Variants in NDST4 observed in about 807,000 individuals in gnomAD.
NDST4 encodes N-heparan sulfate sulfotransferase 4.
A neutral mutation model predicts 100.8 loss-of-function variants in NDST4; 63 were observed. The ratio of observed to expected loss-of-function variants is 0.62; its 90% CI spans 0.51 to 0.77. The LOEUF is 0.77. NDST4 is among the 30% of genes least tolerant of loss of function. The pLI, the probability that NDST4 is intolerant of heterozygous loss-of-function variation, is 0.00. For synonymous variants in NDST4, 377 were observed against 361.8 expected, an observed-to-expected ratio of 1.04 and a Z score of -0.48; for missense variants, 943 against 1,018.4, an observed-to-expected ratio of 0.93 and a Z score of 1.01.
At chr4:115,089,272 A>G (rs1234458366) in intron 1 of NDST4, among the ~76,000 whole-genome samples, 4 of 151,960 alleles carry the variant, frequency 2.6e-5, no homozygotes, top group Non-Finnish European at 5.9e-5. Flanking sequence ...TCATCAGGGA[A>G]GATTTGGAAG....
At position 114,986,793 on chromosome 4, in the gene NDST4, C is replaced by CATATGTATATAT. The variant is rs1218840726; in HGVS notation, c.979-9520_979-9519insATATATACATAT. On this transcript the variant is annotated intron_variant, in intron 2 of 13. Coordinates refer to ENST00000264363, the MANE Select transcript of NDST4 (RefSeq NM_022569.3). ...CCTCTAAGCCTGGTATCCAATTATA[C>CATATGTATATAT]ATATATATATATATATATATATATA... Among the ~76,000 whole-genome samples, 206 of 91,116 alleles carry CATATGTATATAT rather than the reference C, an allele frequency of 2.3e-3. 5 individuals are homozygous for CATATGTATATAT. Among genetic ancestry groups the CATATGTATATAT allele is most frequent in the African/African-American group, 8.9e-3 (197 of 22,090 alleles). The allele number at this position is 91,116 out of a possible 152,430, so 59.8% of individuals were successfully genotyped here.
intron 13 of NDST4, among the ~76,000 whole-genome samples, chr4:114,828,554 T>A (rs1723129772): frequency 6.6e-6 from 1 of 152,094 alleles, no homozygotes; most frequent in Non-Finnish European, 1.5e-5. Context: ...TGGGCCGTTA[T>A]TAGAGAAATG....
At chr4:115,021,905 C>T (rs1276311010) in intron 2 of NDST4, among the ~76,000 whole-genome samples, 2 of 147,104 alleles carry the variant, frequency 1.4e-5, no homozygotes, top group East Asian at 3.9e-4. Flanking sequence ...TATACACATT[C>T]CATATATATA....
chr4:114,880,977 G>T (rs1393784328), intron 6 of NDST4, among the ~76,000 whole-genome samples: 1 of 152,018 alleles, frequency 6.6e-6, no homozygotes. Context: ...AAAGCAATTG[G>T]TAACACAGTG....
intron 4 of NDST4, among the ~76,000 whole-genome samples, chr4:114,969,105 T>C (rs572123727): frequency 6.6e-6 from 1 of 152,240 alleles, no homozygotes; most frequent in East Asian, 1.9e-4. Context: ...ATTTAAAAAA[T>C]AGTCGAGACC....
At chr4:114,926,883 A>G (rs1464189631) in intron 6 of NDST4, among the ~76,000 whole-genome samples, 1 of 152,094 alleles carries the variant, frequency 6.6e-6, no homozygotes, top group Non-Finnish European at 1.5e-5. Context: ...AGTACTCTAG[A>G]GGGGAAAATT....
intron 6 of NDST4, among the ~76,000 whole-genome samples, chr4:114,873,317 C>A (rs1724189103): frequency 6.6e-6 from 1 of 151,160 alleles, no homozygotes; most frequent in Non-Finnish European, 1.5e-5. Context: ...TAAGTTAAAC[C>A]ACTTAATCTC....
chr4:114,998,558 T>C (rs1430840413), intron 2 of NDST4, among the ~76,000 whole-genome samples: 1 of 152,080 alleles, frequency 6.6e-6, no homozygotes, highest in Admixed American at 6.6e-5. Flanking sequence ...TGGGCAAGAA[T>C]TAAAAGCAGT....
intron 2 of NDST4, among the ~76,000 whole-genome samples, chr4:115,047,476 G>C (rs986170713): frequency 6.6e-6 from 1 of 151,914 alleles, no homozygotes; most frequent in Non-Finnish European, 1.5e-5. Context: ...AATGAAAATA[G>C]CATATATATT....
chr4:114,845,372 G>C (rs1723522668), intron 10 of NDST4, among the ~76,000 whole-genome samples: 1 of 152,070 alleles, frequency 6.6e-6, no homozygotes, highest in African/African-American at 2.4e-5. Flanking sequence ...TTGGACTGTT[G>C]TTTTTGTGTG....
In NDST4 at chr4:114,996,505, G is replaced by T. The variant is rs185779932; in HGVS notation, c.979-19231C>A. The stretch of plus-strand genomic sequence containing the variant: ...TAATTCCCAATTTTGTGTATGAAAA[G>T]ACTTTTTCAAGATAAGAACACCTTT... On this transcript the variant is annotated intron_variant, in intron 2 of 13. Coordinates refer to ENST00000264363, the MANE Select transcript of NDST4 (RefSeq NM_022569.3). 6.6e-4 allele frequency among the ~76,000 whole-genome samples: 101 copies of T among 152,070 alleles called. 1 individual carries two copies. Among genetic ancestry groups the T allele is most frequent in the Non-Finnish European group, 1.3e-3 (90 of 67,966 alleles).
At chr4:114,852,242 T>G (rs536983263) in intron 8 of NDST4, among the ~76,000 whole-genome samples, 40 of 152,278 alleles carry the variant, frequency 2.6e-4, no homozygotes, top group African/African-American at 9.4e-4. Context: ...TAATACCTAA[T>G]GATTAATTTT....
intron 2 of NDST4, among the ~76,000 whole-genome samples, chr4:115,024,825 G>A (rs1466751640): frequency 6.6e-6 from 1 of 152,158 alleles, no homozygotes; most frequent in Non-Finnish European, 1.5e-5. Context: ...AAATATAATT[G>A]CCATTGTGAT....
chr4:115,059,280 AC>A (rs1044458382), intron 2 of NDST4, among the ~76,000 whole-genome samples: 3 of 152,060 alleles, frequency 2.0e-5, no homozygotes, highest in African/African-American at 7.2e-5. Context: ...AATGAACAAT[AC>A]AATCTAATGA....
chr4:115,053,734 CAG>C (rs985666824), intron 2 of NDST4, among the ~76,000 whole-genome samples: 5 of 152,054 alleles, frequency 3.3e-5, no homozygotes, highest in African/African-American at 1.2e-4. Flanking sequence ...GCAGTCAACT[CAG>C]AGAGAGAAGG....
At chr4:114,902,746 G>C (rs1657870678) in intron 6 of NDST4, among the ~76,000 whole-genome samples, 3 of 151,694 alleles carry the variant, frequency 2.0e-5, no homozygotes, top group Admixed American at 2.0e-4. Context: ...TGGATATTCT[G>C]GATTTTTCTT....
At position 114,864,619 on chromosome 4, in the gene NDST4, A is replaced by T. The variant is rs1578351240; in HGVS notation, c.1719+6149T>A. Among the ~76,000 whole-genome samples the T allele has an allele frequency of 4.6e-5, 7 of 152,324 alleles. 2 individuals are homozygous for T. The highest frequency in any genetic ancestry group is 4.6e-4 in the Admixed American group (7 of 15,298). The stretch of plus-strand genomic sequence containing the variant: ...AATCTTTATGGAAAAACTGAGAGAC[A>T]TCTTTATGAAGGCTTGAACTCTCCT... On this transcript the variant is annotated intron_variant, in intron 7 of 13. Coordinates refer to ENST00000264363, the MANE Select transcript of NDST4 (RefSeq NM_022569.3).
intron 4 of NDST4, among the ~76,000 whole-genome samples, chr4:114,963,120 CA>C (rs1448285523): frequency 5.3e-5 from 8 of 151,948 alleles, no homozygotes; most frequent in Non-Finnish European, 2.9e-5. Context: ...CTCATAGCAG[CA>C]TTATAAAAAC....
At chr4:114,880,834 A>C (rs1346604395) in intron 6 of NDST4, among the ~76,000 whole-genome samples, 1 of 152,158 alleles carries the variant, frequency 6.6e-6, no homozygotes, top group Non-Finnish European at 1.5e-5. Context: ...CTGATCTAAG[A>C]CTTGCAGATG....
Sources: gnomAD v4.1 joint callset for allele counts (sites outside exome capture counted in the v4.1 genomes callset) on GRCh38, gnomAD v4.1.1 for gene constraint, MANE v1.5 for transcripts, NCBI Gene and HGNC (gene_info 2026-07-23, HGNC 2026-07-21) for gene names.